Variants in MYL2 observed in about 807,000 individuals in gnomAD.
The protein encoded by MYL2 is myosin regulatory light chain 2, ventricular/cardiac muscle isoform.
A neutral mutation model predicts 23.0 loss-of-function variants in MYL2; 19 were observed. That is an observed-to-expected ratio of 0.83 (90% confidence interval 0.58 to 1.21). The LOEUF (loss-of-function observed/expected upper bound fraction) is 1.21. Among genes scored for constraint, MYL2 ranks in the 50% most tolerant of loss-of-function variants. The pLI is 0.00. For synonymous variants in MYL2, 78 were observed against 76.2 expected (o/e 1.02, Z -0.13); for missense variants, 180 against 215.1 (o/e 0.84, Z 1.02).
In MYL2 at chr12:110,918,791, G is replaced by T. The variant is rs3932753; in HGVS notation, c.93+313C>A. 4 of 328,950 alleles carry T rather than the reference G, an allele frequency of 1.2e-5. No individual in the cohort carries two copies. The highest frequency in any genetic ancestry group is 8.4e-5 in the African/African-American group (4 of 47,528). The allele number at this position is 328,950 out of a possible 1,614,324, so 20.4% of individuals were successfully genotyped here. A position where few individuals can be genotyped will look rare whatever the true frequency, so the allele number is the denominator to read the frequency against. ...CATAGATAACAAAAATGGTTTGAAG[G>T]GTATATACTAAAATGTGAACTGATT... On this transcript the variant is annotated intron_variant, in intron 2 of 6. Transcript: ENST00000228841. This position sits in a 1 kb window ranked among gnomAD's most constrained non-coding sequence, Gnocchi z 4.4.
Position 110,920,576 on chromosome 12 carries a change from G to T in MYL2, c.-47C>A, listed in dbSNP as rs771537704. 1.2e-6 allele frequency: 2 copies of T among 1,613,862 alleles called. No homozygotes were observed. Among genetic ancestry groups the T allele is most frequent in the African/African-American group, 1.3e-5 (1 of 74,990 alleles). On this transcript the variant is annotated 5_prime_UTR_variant, in exon 1 of 7. Coordinates refer to ENST00000228841, the MANE Select transcript of MYL2 (RefSeq NM_000432.4). Reference sequence around the variant, plus strand: ...CCTCCCGAGAAGAATTCCACACTCCGCCCAGCTCTCTGCAGCCCAGGAACA... The same window carrying T: ...CCTCCCGAGAAGAATTCCACACTCCTCCCAGCTCTCTGCAGCCCAGGAACA...
In MYL2 at chr12:110,919,213, A is replaced by T; in HGVS notation, c.4-20T>A. On this transcript the variant is annotated intron_variant, in intron 1 of 6. Coordinates refer to ENST00000228841, the MANE Select transcript of MYL2 (RefSeq NM_000432.4). ...AGGTGCCTGGGGGAAAAAAGCATCG[A>T]TTAAAAGAGTGAGAGGCTGGGAGTC... 3.1e-6 allele frequency: 5 copies of T among 1,609,034 alleles called. No homozygotes were observed. The highest frequency in any genetic ancestry group is 4.2e-6 in the Non-Finnish European group (5 of 1,176,786).
chr12:110,913,284 C>G lies in MYL2; in HGVS notation c.315G>C (p.Val105=), dbSNP rs768415509. The change falls in exon 5 of 7, where the codon GTG becomes GTC. Residue 105 remains valine (V), a synonymous_variant. Coordinates refer to ENST00000228841, the MANE Select transcript of MYL2 (RefSeq NM_000432.4). ...GCACCCCTTTGCCTTCAGGGTCAAA[C>G]ACTTTGAATGCGTTGAGAATGGTTT... ...PEETILNAFK[V]FDPEGKGVLK... 11 of 1,614,112 alleles carry G rather than the reference C, an allele frequency of 6.8e-6. No individual in the cohort carries two copies. Among genetic ancestry groups the G allele is most frequent in the Non-Finnish European group, 8.5e-6 (10 of 1,180,048 alleles).
chr12:110,919,294 G>T, intron 1 of MYL2, 101 bp from the exon 2 acceptor site: 1 of 934,592 alleles, frequency 1.1e-6, no homozygotes, highest in Non-Finnish European at 1.7e-6. Context: ...GCAGGGCTCA[G>T]CTGCCCATCT....
chr12:110,917,123 G>A (rs1022406688), intron 2 of MYL2, among the ~76,000 whole-genome samples: 4 of 151,584 alleles, frequency 2.6e-5, no homozygotes, highest in African/African-American at 9.7e-5. Context: ...TGTGATTGCA[G>A]GTGTGAGCCA....
rs1011791150 is a variant in MYL2, at chr12:110,918,288, C to T, written c.93+816G>A. On this transcript the variant is annotated intron_variant, in intron 2 of 6. Coordinates refer to ENST00000228841, the MANE Select transcript of MYL2 (RefSeq NM_000432.4). The surrounding 1 kb of genome is among the most constrained non-coding windows in gnomAD (Gnocchi z 4.4). ...TCATAAGGTCCATTGCCATCAAATG[C>T]GATGGGGTTTCAAATGGGGCTAGTG... Among the ~76,000 whole-genome samples, 5 of 152,024 alleles carry T rather than the reference C, an allele frequency of 3.3e-5. No individual in the cohort carries two copies. Among genetic ancestry groups the T allele is most frequent in the Non-Finnish European group, 7.4e-5 (5 of 68,018 alleles).
At position 110,920,571 on chromosome 12, in the gene MYL2, A is replaced by G. The variant is rs771288466; in HGVS notation, c.-42T>C. On this transcript the variant is annotated 5_prime_UTR_variant, in exon 1 of 7. Transcript: ENST00000228841. Reference sequence around the variant, plus strand: ...CACTGCCTCCCGAGAAGAATTCCACACTCCGCCCAGCTCTCTGCAGCCCAG... The same window carrying G: ...CACTGCCTCCCGAGAAGAATTCCACGCTCCGCCCAGCTCTCTGCAGCCCAG... The G allele has an allele frequency of 6.2e-7, 1 of 1,613,664 alleles. No individual in the cohort carries two copies. Among genetic ancestry groups the G allele is most frequent in the Non-Finnish European group, 8.5e-7 (1 of 1,179,940 alleles).
At chr12:110,917,229 C>T (rs2071692923) in intron 2 of MYL2, among the ~76,000 whole-genome samples, 1 of 152,070 alleles carries the variant, frequency 6.6e-6, no homozygotes. Flanking sequence ...GATTACTGGT[C>T]CCATTTTATA....
intron 6 of MYL2, among the ~76,000 whole-genome samples, chr12:110,911,983 T>C (rs923969549): frequency 6.6e-6 from 1 of 152,232 alleles, no homozygotes; most frequent in African/African-American, 2.4e-5. Flanking sequence ...GCTTCTATTA[T>C]TATTCCCACT....
chr12:110,917,772 T>C (rs995397344), intron 2 of MYL2, among the ~76,000 whole-genome samples: 1 of 152,122 alleles, frequency 6.6e-6, no homozygotes, highest in African/African-American at 2.4e-5. Flanking sequence ...AAGCCCCAAA[T>C]GGTTTCCCCT....
intron 4 of MYL2, 150 bp from the exon 5 acceptor site, chr12:110,913,474 T>G: frequency 1.3e-6 from 1 of 775,438 alleles, no homozygotes. Flanking sequence ...GTCTGATCAC[T>G]GAGCCTCTGT....
Position 110,910,906 on chromosome 12 carries a change from G to C in MYL2, c.*171C>G, listed in dbSNP as rs1014672113. ...ATGGATTTCCAACTGTAGGATGTGC[G>C]GCCACGAAGTACCCATAGCCACCCA... On this transcript the variant is annotated 3_prime_UTR_variant, in exon 7 of 7. Coordinates refer to ENST00000228841, the MANE Select transcript of MYL2 (RefSeq NM_000432.4). 2.0e-5 allele frequency: 13 copies of C among 663,968 alleles called. No homozygotes were observed. The East Asian group carries it at 3.5e-4, about 18-fold the overall frequency. 41.1% of individuals were successfully genotyped at this position (663,968 alleles called of 1,614,324 possible). A position where few individuals can be genotyped will look rare whatever the true frequency, so the allele number is the denominator to read the frequency against.
chr12:110,916,872 A>G (rs2136775263), intron 2 of MYL2, among the ~76,000 whole-genome samples: 1 of 152,130 alleles, frequency 6.6e-6, no homozygotes, highest in Admixed American at 6.5e-5. Context: ...TTTTTGAGAA[A>G]GAGTCTTGCT....
rs1453781892 is a variant in MYL2 at position 110,910,973 on chromosome 12, T to C, written c.*104A>G. The stretch of plus-strand genomic sequence containing the variant: ...GAGGTGGATAAATGGGGCAGCCACA[T>C]GGCTAACAGACAAGGTAGGGACAGA... On this transcript the variant is annotated 3_prime_UTR_variant, in exon 7 of 7. Coordinates refer to ENST00000228841, the MANE Select transcript of MYL2 (RefSeq NM_000432.4). The C allele has an allele frequency of 2.7e-6, 3 of 1,098,822 alleles. No homozygotes were observed. Among genetic ancestry groups the C allele is most frequent in the Admixed American group, 1.7e-5 (1 of 58,346 alleles). 68.1% of individuals were successfully genotyped at this position (1,098,822 alleles called of 1,614,324 possible). A position where few individuals can be genotyped will look rare whatever the true frequency, so the allele number is the denominator to read the frequency against.
chr12:110,916,594 T>C (rs1028786524), intron 2 of MYL2, among the ~76,000 whole-genome samples: 1 of 152,240 alleles, frequency 6.6e-6, no homozygotes. Flanking sequence ...ATTCAATTTC[T>C]ATGAAATGTC....
rs1042901119 is a variant in MYL2 at position 110,915,316 on chromosome 12, A to T, written c.169+399T>A. 5.3e-5 allele frequency among the ~76,000 whole-genome samples: 8 copies of T among 152,328 alleles called. No individual in the cohort carries two copies. The East Asian group carries it at 1.5e-3, about 29-fold the overall frequency. ...TAGAAGATAAATTCGAAAGAGAATG[A>T]TTCCAATAATTTAAAAAACTAAAAC... is the stretch of plus-strand genomic sequence containing the variant. On this transcript the variant is annotated intron_variant, in intron 3 of 6. Transcript: ENST00000228841.
In MYL2 at chr12:110,914,304, C is replaced by G. The variant is rs371431719; in HGVS notation, c.170-14G>C. 9.4e-6 allele frequency: 15 copies of G among 1,594,856 alleles called. No homozygotes were observed. The highest frequency in any genetic ancestry group is 8.6e-7 in the Non-Finnish European group (1 of 1,162,642). On this transcript the variant is annotated splice_polypyrimidine_tract_variant and intron_variant, in intron 3 of 6. Transcript: ENST00000228841. Reference sequence around the variant, plus strand: ...CGTTCACTCGCCCTAGGGTAGGAAACACACACTCAGGGACTCCGAGCTGGG... The same window carrying G: ...CGTTCACTCGCCCTAGGGTAGGAAAGACACACTCAGGGACTCCGAGCTGGG...
upstream of MYL2, chr12:110,920,742 G>A (rs1198586350): frequency 4.5e-6 from 3 of 663,034 alleles, no homozygotes; most frequent in East Asian, 2.7e-5. Flanking sequence ...TGGGTGACAC[G>A]TGAGCCCCCA....
chr12:110,911,234 G>A, intron 6 of MYL2, 59 bp from the exon 7 acceptor site: 1 of 760,054 alleles, frequency 1.3e-6, no homozygotes, highest in Non-Finnish European at 2.2e-6. Context: ...GACGGAGGGT[G>A]GGGGGCTGTG....
Sources: gnomAD v4.1 joint callset for allele counts (sites outside exome capture counted in the v4.1 genomes callset) on GRCh38, gnomAD v4.1.1 for gene constraint, Gnocchi (gnomAD v3.1) non-coding constraint, MANE v1.5 for transcripts, NCBI Gene and HGNC (gene_info 2026-07-23, HGNC 2026-07-21) for gene names.